Variants in USP34 observed in about 807,000 individuals in gnomAD.
USP34 encodes ubiquitin specific peptidase 34.
Under a neutral mutation model 460.3 loss-of-function variants are expected in USP34, and 70 were observed. The ratio of observed to expected loss-of-function variants is 0.15; its 90% CI spans 0.13 to 0.19. The LOEUF (loss-of-function observed/expected upper bound fraction) is 0.19. USP34 is among the 10% of genes least tolerant of loss of function. The pLI is 1.00. For missense variants in USP34, 3,985 were observed against 4,236.2 expected (o/e 0.94, Z 1.65); for synonymous variants, 1,647 against 1,405.3 (o/e 1.17, Z -3.85).
At chr2:61,249,985 C>G (rs535095804) in intron 48 of USP34, 1 of 163,058 alleles carries the variant, frequency 6.1e-6, no homozygotes, top group Non-Finnish European at 1.3e-5. Context: ...CGGTGGCTCA[C>G]GCCTGTAATA....
chr2:61,219,366 T>C (rs1348664264), intron 67 of USP34, among the ~76,000 whole-genome samples: 2 of 152,200 alleles, frequency 1.3e-5, no homozygotes, highest in African/African-American at 2.4e-5. Flanking sequence ...TACTGGAGAA[T>C]GGTGTTCTGA....
chr2:61,378,443 A>T lies in USP34; in HGVS notation c.1015-19T>A. On this transcript the variant is annotated intron_variant, in intron 7 of 79. Coordinates refer to ENST00000398571, the MANE Select transcript of USP34 (RefSeq NM_014709.4). ...GTTGATTCTATGATTAAAGACAAGA[A>T]ATTAAGGGTTTTTATTTCCAAAATT... is the stretch of plus-strand genomic sequence containing the variant. 1 of 1,559,180 alleles carries T rather than the reference A, an allele frequency of 6.4e-7. No individual in the cohort carries two copies. The highest frequency in any genetic ancestry group is 8.7e-7 in the Non-Finnish European group (1 of 1,155,048).
chr2:61,403,220 A>G (rs1313287735), intron 3 of USP34, among the ~76,000 whole-genome samples: 1 of 152,178 alleles, frequency 6.6e-6, no homozygotes, highest in East Asian at 1.9e-4. Context: ...AAAGTACTTT[A>G]AAACAAAGTA....
chr2:61,227,556 C>A (rs560414756), intron 61 of USP34, among the ~76,000 whole-genome samples: 1 of 152,044 alleles, frequency 6.6e-6, no homozygotes, highest in East Asian at 1.9e-4. Context: ...ACTAAAAATA[C>A]AAAAATTAGC....
chr2:61,386,586 C>T (rs1693151931), intron 5 of USP34, among the ~76,000 whole-genome samples: 1 of 152,032 alleles, frequency 6.6e-6, no homozygotes, highest in South Asian at 2.1e-4. Flanking sequence ...CTCAGGAGAT[C>T]GAGACCATCC....
chr2:61,317,812 A>G, intron 22 of USP34, 45 bp from the exon 23 acceptor site: 1 of 1,394,322 alleles, frequency 7.2e-7, no homozygotes, highest in Non-Finnish European at 1.0e-6. Context: ...TAGTGTGGTA[A>G]TTCACAGATT....
chr2:61,315,021 T>C (rs753617315), intron 23 of USP34, 47 bp from the exon 24 acceptor site: 1 of 1,463,692 alleles, frequency 6.8e-7, no homozygotes, highest in Non-Finnish European at 9.5e-7. Flanking sequence ...TGTCAAACTA[T>C]GTAACTCATT....
chr2:61,214,503 G>C lies in USP34; in HGVS notation c.8239C>G (p.His2747Asp). The C allele has an allele frequency of 6.2e-7, 1 of 1,613,664 alleles. No homozygotes were observed. Among genetic ancestry groups the C allele is most frequent in the Non-Finnish European group, 8.5e-7 (1 of 1,179,898 alleles). ...RAKLYVDAAV[H>D]GTTKLVPYFS... ...TAGGGCACTAGCTTTGTAGTGCCAT[G>C]AACAGCAGCATCAACATAAAGTTTG... Residue 2747 changes from histidine to aspartate, a missense_variant, in exon 68 of 80, where the codon CAT (histidine) becomes GAT (aspartate). By Grantham distance (81) the His-to-Asp change is moderately conservative (BLOSUM62 -1). Transcript: ENST00000398571.
At chr2:61,202,438 T>TA (rs1687003060) in intron 75 of USP34, among the ~76,000 whole-genome samples, 2 of 152,106 alleles carry the variant, frequency 1.3e-5, no homozygotes, top group African/African-American at 2.4e-5. Context: ...AGTCCTGAGA[T>TA]AGAGGACCTC....
chr2:61,254,606 A>C (rs1288383835), intron 48 of USP34, among the ~76,000 whole-genome samples: 1 of 152,250 alleles, frequency 6.6e-6, no homozygotes, highest in East Asian at 1.9e-4. Context: ...CTTTCAATAT[A>C]AAATTAAAAT....
At chr2:61,339,858 G>A (rs1691536144) in intron 16 of USP34, among the ~76,000 whole-genome samples, 177 bp from the exon 17 acceptor site, 1 of 151,510 alleles carries the variant, frequency 6.6e-6, no homozygotes, top group Non-Finnish European at 1.5e-5. Flanking sequence ...TTTAAATAGA[G>A]ACTGAGTCTC....
intron 53 of USP34, among the ~76,000 whole-genome samples, chr2:61,236,874 C>T (rs992710878): frequency 6.6e-6 from 1 of 152,150 alleles, no homozygotes; most frequent in Admixed American, 6.5e-5. Flanking sequence ...GTCTGAATAC[C>T]TTAAATATGA....
chr2:61,459,712 G>A (rs1695545275), intron 1 of USP34, among the ~76,000 whole-genome samples: 1 of 151,110 alleles, frequency 6.6e-6, no homozygotes, highest in Admixed American at 6.6e-5. Flanking sequence ...GGGAGGCGAA[G>A]GCTGCAGTGA....
chr2:61,260,792 A>C (rs780876020), intron 43 of USP34, among the ~76,000 whole-genome samples: 1 of 152,326 alleles, frequency 6.6e-6, no homozygotes, highest in Middle Eastern at 3.4e-3. Context: ...GATTCAGGAT[A>C]CAAAAAAGTT....
chr2:61,389,190 T>A (rs1422111228), intron 5 of USP34, among the ~76,000 whole-genome samples: 1 of 152,098 alleles, frequency 6.6e-6, no homozygotes, highest in Admixed American at 6.5e-5. Context: ...GGAGAAGAGA[T>A]GGAATAGTTA....
Position 61,214,452 on chromosome 2 carries a change from T to G in USP34, c.8290A>C (p.Ile2764Leu), listed in dbSNP as rs907892125. The G allele has an allele frequency of 6.2e-7, 1 of 1,614,196 alleles. No homozygotes were observed. Among genetic ancestry groups the G allele is most frequent in the African/African-American group, 1.3e-5 (1 of 75,034 alleles). ...AACATCAGCTTCTCAGTTTTGGAAA[T>G]TAAACAGTAAGTCATAAAGCTAAAA... is the stretch of plus-strand genomic sequence containing the variant. ...PYFSFMTYCLISKTEKLMFST... is the reference protein window; with the variant it reads ...PYFSFMTYCLLSKTEKLMFST... The change falls in exon 68 of 80, where the codon ATT becomes CTT. Residue 2764 changes from isoleucine to leucine, a missense_variant. Transcript: ENST00000398571.
At chr2:61,394,169 A>G (rs1693443053) in intron 5 of USP34, among the ~76,000 whole-genome samples, 1 of 152,222 alleles carries the variant, frequency 6.6e-6, no homozygotes, top group South Asian at 2.1e-4. Flanking sequence ...TGTGCTTCAC[A>G]GTGAAACTGA....
rs1468614383 is a variant in USP34 at position 61,221,589 on chromosome 2, A to C, written c.7812T>G (p.Phe2604Leu). The C allele has an allele frequency of 6.2e-7, 1 of 1,613,946 alleles. No homozygotes were observed. The highest frequency in any genetic ancestry group is 8.5e-7 in the Non-Finnish European group (1 of 1,179,962). The change falls in exon 66 of 80, where the codon TTT becomes TTG. Residue 2604 changes from phenylalanine (F) to leucine (L), a missense_variant. Phe to Leu is a conservative substitution (Grantham distance 22). Transcript: ENST00000398571. ...KLTPEAANPF[F>L]KLLTMLMEFA... Reference sequence around the variant, plus strand: ...ACTCCATTAGCATAGTCAACAACTTAAAGAAAGGATTGGCTGCCTGTAAAA... The same window carrying C: ...ACTCCATTAGCATAGTCAACAACTTCAAGAAAGGATTGGCTGCCTGTAAAA...
At position 61,228,692 on chromosome 2, in the gene USP34, T is replaced by C. The variant is rs368209577; in HGVS notation, c.7396A>G (p.Ile2466Val). The change falls in exon 61 of 80, where the codon ATA becomes GTA. Residue 2466 changes from isoleucine to valine, a missense_variant. Around this residue, in one of 14 missense-constraint regions of USP34, gnomAD observed 604 missense variants for 684.8 expected, o/e 0.88. Transcript: ENST00000398571. ...ESQFLLSLQA[I>V]STMVHFYMGT... ...ATGTAAAAATGTACCATTGTAGATATAGCTTGCAATGAAAGCAAAAATTGG... is the reference window on the plus strand; with the variant it reads ...ATGTAAAAATGTACCATTGTAGATACAGCTTGCAATGAAAGCAAAAATTGG... 2.1e-5 allele frequency: 34 copies of C among 1,611,432 alleles called. No homozygotes were observed. The highest frequency in any genetic ancestry group is 1.9e-4 in the African/African-American group (14 of 74,854).
Sources: gnomAD v4.1 joint callset for allele counts (sites outside exome capture counted in the v4.1 genomes callset) on GRCh38, gnomAD v4.1.1 for gene constraint, gnomAD v4.1.1 regional missense constraint, MANE v1.5 for transcripts, NCBI Gene and HGNC (gene_info 2026-07-23, HGNC 2026-07-21) for gene names.